The following COG6 variants were observed in gnomAD, a reference collection of about 807,000 sequenced individuals.
The protein encoded by COG6 is component of oligomeric golgi complex 6.
In COG6, 74 loss-of-function variants were observed where a neutral mutation model predicts 88.8. The ratio of observed to expected loss-of-function variants is 0.83; its 90% CI spans 0.69 to 1.01. The LOEUF (loss-of-function observed/expected upper bound fraction) is 1.01. COG6 is among the 50% of genes least tolerant of loss of function. COG6 has a pLI of 0.00. For synonymous variants in COG6, 286 were observed against 278.7 expected (o/e 1.03, Z -0.26); for missense variants, 800 against 797.9 (o/e 1.00, Z -0.03).
At chr13:39,763,138 G>A (rs902360626) in intron 18 of COG6, among the ~76,000 whole-genome samples, 1 of 151,642 alleles carries the variant, frequency 6.6e-6, no homozygotes, top group Non-Finnish European at 1.5e-5. Flanking sequence ...AGCCTAAGTT[G>A]ATCATATTAT....
In COG6 at chr13:39,679,616, G is replaced by A; in HGVS notation, c.619G>A (p.Ala207Thr). ...KVLLRTNQQT[A>T]GLEIMEQMAL... The stretch of plus-strand genomic sequence containing the variant: ...TCTCTTGCGTACAAATCAACAAACG[G>A]CAGGGTGAGTAACTGCTCACTGAAC... The change falls in exon 6 of 19, where the codon GCA becomes ACA. Residue 207 changes from alanine to threonine, a missense_variant. Physicochemically the swap from Ala to Thr is moderately conservative, Grantham distance 58 (BLOSUM62 0). Transcript: ENST00000455146. 1 of 1,589,330 alleles carries A rather than the reference G, an allele frequency of 6.3e-7. No homozygotes were observed. The highest frequency in any genetic ancestry group is 8.6e-7 in the Non-Finnish European group (1 of 1,157,586).
intron 17 of COG6, among the ~76,000 whole-genome samples, chr13:39,726,867 CT>C (rs998272110): frequency 2.8e-4 from 42 of 152,046 alleles, no homozygotes; most frequent in African/African-American, 9.4e-4. Flanking sequence ...CTGAGAGATG[CT>C]TTTGCCGAAT....
intron 11 of COG6, among the ~76,000 whole-genome samples, chr13:39,691,743 A>G (rs1372227997): frequency 6.6e-6 from 1 of 151,884 alleles, no homozygotes; most frequent in Non-Finnish European, 1.5e-5. Context: ...TTAGTTGAGG[A>G]AAAAAATTTC....
chr13:39,672,229 ATGTAAT>A (rs746780559), intron 4 of COG6, among the ~76,000 whole-genome samples: 3 of 152,060 alleles, frequency 2.0e-5, no homozygotes, highest in Non-Finnish European at 4.4e-5. Context: ...ATAATAATAC[ATGTAAT>A]TGTAATTCAA....
At position 39,685,084 on chromosome 13, in the gene COG6, A is replaced by G. The variant is rs577707542; in HGVS notation, c.789-2419A>G. Among the ~76,000 whole-genome samples, 5 of 152,198 alleles carry G rather than the reference A, an allele frequency of 3.3e-5. No individual in the cohort carries two copies. The South Asian group carries it at 1.0e-3, about 32-fold the overall frequency. On this transcript the variant is annotated intron_variant, in intron 8 of 18. Coordinates refer to ENST00000455146, the MANE Select transcript of COG6 (RefSeq NM_020751.3). ...TTCAAAGAGGCACTTCTTTACTATT[A>G]TCTTTTAATTTGCTTTTTGATAAAA...
chr13:39,727,907 A>C (rs948606139), intron 18 of COG6, among the ~76,000 whole-genome samples: 36 of 152,296 alleles, frequency 2.4e-4, no homozygotes, highest in Middle Eastern at 3.4e-3. Flanking sequence ...AATGCAGATG[A>C]ACTGATTTAT....
intron 1 of COG6, chr13:39,656,141 G>C (rs553712012): frequency 1.6e-6 from 1 of 630,510 alleles, no homozygotes; most frequent in East Asian, 3.3e-5. Context: ...CTCTGGATGG[G>C]ATTGGTGAAC....
chr13:39,759,741 C>T (rs75212408), intron 18 of COG6, among the ~76,000 whole-genome samples: 3,306 of 152,164 alleles, frequency 0.022, 123 homozygotes, highest in African/African-American at 0.076. Flanking sequence ...TTAATAACAG[C>T]ATATTAGTCT....
chr13:39,677,603 C>A, intron 5 of COG6, 24 bp downstream of exon 5: 1 of 1,401,596 alleles, frequency 7.1e-7, no homozygotes, highest in Non-Finnish European at 1.0e-6. Flanking sequence ...CTGTTATAAT[C>A]ATTTAAAGTT....
chr13:39,719,935 C>A, intron 15 of COG6, 108 bp downstream of exon 15: 2 of 786,140 alleles, frequency 2.5e-6, no homozygotes, highest in Non-Finnish European at 4.3e-6. Flanking sequence ...TCCTATAGAT[C>A]CCTTGATATC....
chr13:39,692,667 C>G (rs891323364), intron 11 of COG6, among the ~76,000 whole-genome samples: 8 of 152,058 alleles, frequency 5.3e-5, no homozygotes, highest in South Asian at 2.1e-4. Context: ...CGCTTTTGCT[C>G]TAGCTTTCTC....
Position 39,730,439 on chromosome 13 carries a change from G to C in COG6, c.1826+2891G>C, listed in dbSNP as rs566426665. ...AATTTAGCTACTTATTTTCAAATCAGGATTGCTTTGAAAATATAGGGCATT... is the reference window on the plus strand; with the variant it reads ...AATTTAGCTACTTATTTTCAAATCACGATTGCTTTGAAAATATAGGGCATT... On this transcript the variant is annotated intron_variant, in intron 18 of 18. Coordinates refer to ENST00000455146, the MANE Select transcript of COG6 (RefSeq NM_020751.3). Among the ~76,000 whole-genome samples the C allele has an allele frequency of 6.7e-4, 102 of 152,076 alleles. 2 individuals carry two copies. Among genetic ancestry groups the C allele is most frequent in the African/African-American group, 2.4e-3 (101 of 41,490 alleles).
Position 39,724,562 on chromosome 13 carries a change from G to A in COG6, c.1746+1G>A. ...TTCTGTGACACTGAAGGCTGCAATG[G>A]TAAGTGTATAATAAAACATTTTAAT... On this transcript the variant is annotated splice_donor_variant, in intron 17 of 18. Coordinates refer to ENST00000455146, the MANE Select transcript of COG6 (RefSeq NM_020751.3). LOFTEE classifies it high-confidence loss of function. The A allele has an allele frequency of 1.9e-6, 3 of 1,586,976 alleles. No individual in the cohort carries two copies. Among genetic ancestry groups the A allele is most frequent in the Non-Finnish European group, 2.6e-6 (3 of 1,157,932 alleles).
At position 39,775,929 on chromosome 13, in the gene COG6, C is replaced by T. The variant is rs184394710; in HGVS notation, c.1827-12406C>T. 2.6e-5 allele frequency among the ~76,000 whole-genome samples: 4 copies of T among 152,174 alleles called. 1 individual carries two copies. Among genetic ancestry groups the T allele is most frequent in the Admixed American group, 2.6e-4 (4 of 15,284 alleles). On this transcript the variant is annotated intron_variant, in intron 18 of 18. Coordinates refer to the COG6 transcript ENST00000416691. ...GGATTACAGGCATGTGCCACCACGCCTGGCTAATTTCATATTTTTAATAGA... is the reference window on the plus strand; with the variant it reads ...GGATTACAGGCATGTGCCACCACGCTTGGCTAATTTCATATTTTTAATAGA...
At chr13:39,776,502 C>T (rs977979418) in intron 18 of COG6, among the ~76,000 whole-genome samples, 1 of 152,160 alleles carries the variant, frequency 6.6e-6, no homozygotes, top group African/African-American at 2.4e-5. Flanking sequence ...TTGCACAGTC[C>T]CCTTGCCTGG....
At chr13:39,750,113 A>T (rs1880544688) in intron 18 of COG6, among the ~76,000 whole-genome samples, 1 of 152,216 alleles carries the variant, frequency 6.6e-6, no homozygotes, top group South Asian at 2.1e-4. Context: ...CTTTAAACAC[A>T]CATTTTTATT....
chr13:39,734,902 A>G (rs747011163), intron 18 of COG6, among the ~76,000 whole-genome samples: 2 of 152,128 alleles, frequency 1.3e-5, no homozygotes, highest in African/African-American at 4.8e-5. Context: ...TTTTTCTGAT[A>G]TAAATAAGTA....
intron 18 of COG6, among the ~76,000 whole-genome samples, chr13:39,767,940 C>A (rs1881214472): frequency 6.6e-6 from 1 of 152,194 alleles, no homozygotes; most frequent in Admixed American, 6.5e-5. Context: ...GACTTGGTTA[C>A]ATTTAGTCAG....
intron 8 of COG6, 86 bp downstream of exon 8, chr13:39,682,350 A>G (rs1876367465): frequency 1.3e-6 from 1 of 753,652 alleles, no homozygotes; most frequent in Non-Finnish European, 2.3e-6. Flanking sequence ...AAAAGCGTAT[A>G]TAATAGTTTG....
Sources: allele counts gnomAD v4.1 joint callset (sites outside exome capture counted in the v4.1 genomes callset), GRCh38; gene constraint gnomAD v4.1.1; transcripts MANE v1.5; gene names NCBI Gene and HGNC (gene_info 2026-07-23, HGNC 2026-07-21).